The following FYB1 variants were observed in gnomAD, a reference collection of about 807,000 sequenced individuals.
FYB1 encodes FYN binding protein 1, also known as FYN-binding protein 1.
FYB1 carries 41 observed loss-of-function variants against 94.1 expected under a neutral mutation model. The observed-to-expected ratio is 0.44, with a 90% CI of 0.34 to 0.57. The LOEUF is 0.57. FYB1 is among the 20% of genes least tolerant of loss of function. FYB1 has a pLI of 0.02. For synonymous variants in FYB1, 367 were observed against 353.2 expected, an observed-to-expected ratio of 1.04 and a Z score of -0.44; for missense variants, 1,050 against 976.8, an observed-to-expected ratio of 1.07 and a Z score of -1.00.
rs1418483146 is a variant in FYB1, at chr5:39,259,198, TG to T, written c.-28+15204del. On this transcript the variant is annotated intron_variant, in intron 1 of 1. Coordinates refer to the FYB1 transcript ENST00000510188. ...AGAGATGCTACTAAACATCTAACAATGCACAAAAGTGCTGAAGTCCAACTGT... is the reference window on the plus strand; with the variant it reads ...AGAGATGCTACTAAACATCTAACAATCACAAAAGTGCTGAAGTCCAACTGT... Among the ~76,000 whole-genome samples, 5 of 152,316 alleles carry T rather than the reference TG, an allele frequency of 3.3e-5. No individual in the cohort carries two copies. The East Asian group carries it at 9.6e-4, about 29-fold the overall frequency.
intron 16 of FYB1, among the ~76,000 whole-genome samples, chr5:39,117,166 G>A (rs557887245): frequency 2.8e-4 from 43 of 151,950 alleles, no homozygotes; most frequent in Non-Finnish European, 3.7e-4. Context: ...TTCCTATTTT[G>A]GTATTTAATT....
intron 1 of FYB1, among the ~76,000 whole-genome samples, chr5:39,262,344 T>G (rs140948874): frequency 6.6e-6 from 1 of 152,128 alleles, no homozygotes; most frequent in Admixed American, 6.5e-5. Context: ...ACATGAGAGA[T>G]AATTTACAGA....
In FYB1 at chr5:39,235,186, T is replaced by C. The variant is rs1052069028; in HGVS notation, c.-27-32199A>G. Reference sequence around the variant, plus strand: ...TGCGGGGTAGTGGAATTGTTTCCTGTTCACACCATAACTAGAAATGGAGGC... The same window carrying C: ...TGCGGGGTAGTGGAATTGTTTCCTGCTCACACCATAACTAGAAATGGAGGC... On this transcript the variant is annotated intron_variant, in intron 1 of 1. Coordinates refer to the FYB1 transcript ENST00000510188. Among the ~76,000 whole-genome samples the C allele has an allele frequency of 2.0e-5, 3 of 151,984 alleles. No individual in the cohort carries two copies. The South Asian group carries it at 6.2e-4, about 32-fold the overall frequency.
intron 13 of FYB1, among the ~76,000 whole-genome samples, chr5:39,122,883 T>G (rs1338640426): frequency 6.6e-6 from 1 of 152,166 alleles, no homozygotes; most frequent in African/African-American, 2.4e-5. Context: ...TGTTTCCCGT[T>G]ACCTTTTACC....
chr5:39,134,401 A>G lies in FYB1; in HGVS notation c.1676-52T>C. On this transcript the variant is annotated intron_variant, in intron 8 of 18. Transcript: ENST00000512982. ...CAGGCAACTGTAGTTTAAATATTTT[A>G]AAGTTGTGAATAAAATATCAATTGC... The G allele has an allele frequency of 2.9e-6, 4 of 1,400,836 alleles. No homozygotes were observed. The Admixed American group carries it at 8.5e-5, about 30-fold the overall frequency. 86.8% of individuals were successfully genotyped at this position (1,400,836 alleles called of 1,614,324 possible). A position where few individuals can be genotyped will look rare whatever the true frequency, so the allele number is the denominator to read the frequency against.
intron 1 of FYB1, among the ~76,000 whole-genome samples, chr5:39,255,430 G>GTTT (rs113241046): frequency 0.17 from 24,014 of 142,692 alleles, 2,550 homozygotes; most frequent in African/African-American, 0.3. Context: ...CCATTCACCT[G>GTTT]TTTTTTTTTT....
chr5:39,141,233 C>T, intron 3 of FYB1, 92 bp from the exon 4 acceptor site: 2 of 908,744 alleles, frequency 2.2e-6, no homozygotes, highest in South Asian at 1.5e-5. Flanking sequence ...ATGAATTGTT[C>T]TTTTTTCTTG....
intron 17 of FYB1, 73 bp from the exon 18 acceptor site, chr5:39,108,335 A>T (rs1026234938): frequency 2.4e-6 from 3 of 1,272,558 alleles, no homozygotes; most frequent in Non-Finnish European, 3.2e-6. Flanking sequence ...ATAGAAGAAT[A>T]GAGTAACAGT....
upstream of FYB1, among the ~76,000 whole-genome samples, chr5:39,223,635 T>G (rs990295917): frequency 6.6e-6 from 1 of 152,216 alleles, no homozygotes; most frequent in Admixed American, 6.5e-5. Context: ...CATTCCCCCA[T>G]GCAAGAGTAA....
intron 2 of FYB1, among the ~76,000 whole-genome samples, chr5:39,176,418 G>A (rs1465843390): frequency 6.6e-6 from 1 of 151,968 alleles, no homozygotes; most frequent in Non-Finnish European, 1.5e-5. Context: ...CCAAAGTGCT[G>A]AGATTACAGG....
At chr5:39,273,319 A>G (rs1181045723) in intron 1 of FYB1, among the ~76,000 whole-genome samples, 1 of 145,844 alleles carries the variant, frequency 6.9e-6, no homozygotes, top group Non-Finnish European at 1.5e-5. Context: ...TCTGCCTTGG[A>G]AAAAAAAAGA....
intron 3 of FYB1, among the ~76,000 whole-genome samples, chr5:39,149,282 G>A (rs990251302): frequency 6.6e-6 from 1 of 152,136 alleles, no homozygotes; most frequent in Non-Finnish European, 1.5e-5. Context: ...GGCAGAACAG[G>A]CTGCAGATGA....
intron 2 of FYB1, among the ~76,000 whole-genome samples, chr5:39,180,939 T>C (rs931452841): frequency 1.9e-4 from 29 of 152,258 alleles, no homozygotes; most frequent in Admixed American, 1.6e-3. Context: ...CTTTTCCATA[T>C]ATTTCTGGAA....
intron 11 of FYB1, 81 bp downstream of exon 11, chr5:39,127,660 T>C: frequency 7.0e-7 from 1 of 1,438,398 alleles, no homozygotes; most frequent in Non-Finnish European, 9.2e-7. Context: ...ATTTTCCGCT[T>C]TTTATTTTAA....
chr5:39,192,143 C>T (rs979001577), intron 2 of FYB1, among the ~76,000 whole-genome samples: 1 of 152,200 alleles, frequency 6.6e-6, no homozygotes. Flanking sequence ...TGAATCATAA[C>T]ACATACATTT....
At chr5:39,262,716 T>G (rs78174335) in intron 1 of FYB1, among the ~76,000 whole-genome samples, 1 of 152,042 alleles carries the variant, frequency 6.6e-6, no homozygotes, top group Non-Finnish European at 1.5e-5. Flanking sequence ...ACAATAGAAT[T>G]ACACAGCAAT....
At chr5:39,151,868 T>C (rs1190706041) in intron 3 of FYB1, among the ~76,000 whole-genome samples, 1 of 152,216 alleles carries the variant, frequency 6.6e-6, no homozygotes, top group Non-Finnish European at 1.5e-5. Context: ...GAAACACCTA[T>C]ATCTTTCACA....
chr5:39,176,987 T>C (rs1361789445), intron 2 of FYB1, among the ~76,000 whole-genome samples: 2 of 152,210 alleles, frequency 1.3e-5, no homozygotes, highest in South Asian at 2.1e-4. Context: ...TTAGGCATCA[T>C]GGGTGTGTGG....
At chr5:39,241,689 A>G (rs1272809377) in intron 1 of FYB1, among the ~76,000 whole-genome samples, 1 of 152,170 alleles carries the variant, frequency 6.6e-6, no homozygotes, top group African/African-American at 2.4e-5. Context: ...GTCCTGCACA[A>G]CCGTAAGAGG....
Sources: allele counts gnomAD v4.1 joint callset (sites outside exome capture counted in the v4.1 genomes callset), GRCh38; gene constraint gnomAD v4.1.1; transcripts MANE v1.5; gene names NCBI Gene and HGNC (gene_info 2026-07-23, HGNC 2026-07-21).